The following ZHX3 variants were observed in gnomAD, a reference collection of about 807,000 sequenced individuals.
ZHX3 encodes the protein zinc fingers and homeoboxes 3, also known as zinc fingers and homeoboxes protein 3.
A neutral mutation model predicts 64.5 loss-of-function variants in ZHX3; 20 were observed. The ratio of observed to expected loss-of-function variants is 0.31; its 90% CI spans 0.22 to 0.45. ZHX3 has a LOEUF of 0.45. Ranked by LOEUF, ZHX3 falls within the 20% of genes least tolerant of loss-of-function variation. The pLI, the probability that ZHX3 is intolerant of heterozygous loss-of-function variation, is 1.00. For synonymous variants in ZHX3, 423 were observed against 461.6 expected (o/e 0.92, Z 1.07); for missense variants, 1,041 against 1,195.8 (o/e 0.87, Z 1.91).
chr20:41,282,137 A>G (rs188362543), intron 1 of ZHX3, among the ~76,000 whole-genome samples: 2 of 152,298 alleles, frequency 1.3e-5, no homozygotes, highest in East Asian at 1.9e-4. Context: ...GAAAATAAAT[A>G]TATCAGCAAG....
At chr20:41,210,015 C>G (rs2039036375) in intron 2 of ZHX3, among the ~76,000 whole-genome samples, 2 of 152,148 alleles carry the variant, frequency 1.3e-5, no homozygotes, top group Non-Finnish European at 2.9e-5. Flanking sequence ...CATCAAAGAA[C>G]CCCATCAACA....
chr20:41,235,341 T>A (rs2146411509), intron 2 of ZHX3, among the ~76,000 whole-genome samples: 1 of 152,118 alleles, frequency 6.6e-6, no homozygotes, highest in Admixed American at 6.5e-5. Flanking sequence ...TAGACCAATA[T>A]CCCTGATGAA....
intron 1 of ZHX3, among the ~76,000 whole-genome samples, chr20:41,276,381 A>G (rs1449457335): frequency 2.0e-5 from 3 of 152,002 alleles, no homozygotes; most frequent in African/African-American, 4.8e-5. Flanking sequence ...ACTTTGGGAA[A>G]TTTGCTGCAA....
Position 41,224,073 on chromosome 20 carries a change from A to G in ZHX3, c.-150-19007T>C, listed in dbSNP as rs2040115193. On this transcript the variant is annotated intron_variant, in intron 2 of 3. Coordinates refer to ENST00000683867, the MANE Select transcript of ZHX3 (RefSeq NM_001384317.1). This position sits in a 1 kb window ranked among gnomAD's most constrained non-coding sequence, Gnocchi z 5.2. ...TACAAAACAAAAAATAAATAAATAA[A>G]AGAACAAGCAAAACAAAAAAAATAC... is the stretch of plus-strand genomic sequence containing the variant. Among the ~76,000 whole-genome samples the G allele has an allele frequency of 1.3e-5, 2 of 152,196 alleles. No individual in the cohort carries two copies. The highest frequency in any genetic ancestry group is 6.5e-5 in the Admixed American group (1 of 15,282).
chr20:41,259,635 G>A (rs1326214220), intron 2 of ZHX3, among the ~76,000 whole-genome samples: 2 of 152,066 alleles, frequency 1.3e-5, no homozygotes, highest in African/African-American at 4.8e-5. Flanking sequence ...TTGGTAAGAT[G>A]AAGGGAGAGA....
Position 41,203,245 on chromosome 20 carries a change from T to C in ZHX3, c.1672A>G (p.Met558Val), listed in dbSNP as rs2038404527. ...HCRNLKGSRA[M>V]IPGDHSSIII... is the part of the protein sequence containing the mutation. ...ATGGAACTGTGATCTCCAGGTATCA[T>C]CGCTCTGGAGCCCTTCAAGTTCCGG... is the stretch of plus-strand genomic sequence containing the variant. The change falls in exon 3 of 4, where the codon ATG (methionine) becomes GTG (valine). Residue 558 changes from methionine to valine, a missense_variant. Met to Val is a conservative substitution (Grantham distance 21). Coordinates refer to ENST00000683867, the MANE Select transcript of ZHX3 (RefSeq NM_001384317.1). The surrounding 1 kb of genome is among the most constrained non-coding windows in gnomAD (Gnocchi z 7.1). 1 of 1,614,042 alleles carries C rather than the reference T, an allele frequency of 6.2e-7. No individual in the cohort carries two copies.
chr20:41,251,364 T>A (rs904826592), intron 2 of ZHX3, among the ~76,000 whole-genome samples: 1 of 152,120 alleles, frequency 6.6e-6, no homozygotes, highest in South Asian at 2.1e-4. Context: ...AGTGGTAAAA[T>A]ACTGATCATA....
intron 1 of ZHX3, among the ~76,000 whole-genome samples, chr20:41,270,616 C>CA (rs1482281795): frequency 6.6e-6 from 1 of 150,866 alleles, no homozygotes; most frequent in Admixed American, 6.6e-5. Flanking sequence ...GTGGAGCTTA[C>CA]AGTGAGCCAA....
chr20:41,272,363 T>A (rs181053724), intron 1 of ZHX3: 1 of 152,180 alleles, frequency 6.6e-6, no homozygotes, highest in East Asian at 1.9e-4. Flanking sequence ...TTTTAAAAAT[T>A]GAAAATTCAT....
intron 2 of ZHX3, among the ~76,000 whole-genome samples, chr20:41,250,773 A>G (rs980600004): frequency 1.3e-5 from 2 of 152,206 alleles, no homozygotes; most frequent in African/African-American, 4.8e-5. Flanking sequence ...TTAAAGACAA[A>G]GAATAACTCT....
intron 1 of ZHX3, among the ~76,000 whole-genome samples, chr20:41,303,238 C>G (rs779346523): frequency 6.6e-6 from 1 of 152,230 alleles, no homozygotes; most frequent in African/African-American, 2.4e-5. Flanking sequence ...TCTAATCTCT[C>G]AAAGCCACAT....
intron 3 of ZHX3, among the ~76,000 whole-genome samples, chr20:41,194,084 T>A (rs1338993676): frequency 6.6e-6 from 1 of 152,176 alleles, no homozygotes; most frequent in Non-Finnish European, 1.5e-5. Context: ...TTTTATTTAT[T>A]TTTTTTGCCT....
intron 2 of ZHX3, among the ~76,000 whole-genome samples, chr20:41,235,984 A>G (rs556261428): frequency 6.6e-6 from 1 of 152,322 alleles, no homozygotes; most frequent in South Asian, 2.1e-4. Context: ...ATAACAGACA[A>G]ACAGAGAGCC....
At chr20:41,253,818 G>A (rs1306207477) in intron 2 of ZHX3, among the ~76,000 whole-genome samples, 1 of 152,214 alleles carries the variant, frequency 6.6e-6, no homozygotes, top group African/African-American at 2.4e-5. Context: ...TACTATGACA[G>A]ATGACTAGAT....
At position 41,197,769 on chromosome 20, in the gene ZHX3, TTTGA is replaced by T. The variant is rs569478975; in HGVS notation, c.2860+4284_2860+4287del. On this transcript the variant is annotated intron_variant, in intron 3 of 3. Transcript: ENST00000683867. Reference sequence around the variant, plus strand: ...CCATTACTACCTCCTTTTGTATTTATTTGATTGTTCACAATGTACTGTTTTGATT... The same window carrying T: ...CCATTACTACCTCCTTTTGTATTTATTTGTTCACAATGTACTGTTTTGATT... Among the ~76,000 whole-genome samples the T allele has an allele frequency of 8.1e-3, 1,239 of 152,258 alleles. 6 individuals carry two copies. The highest frequency in any genetic ancestry group is 0.017 in the Middle Eastern group (5 of 294).
intron 3 of ZHX3, among the ~76,000 whole-genome samples, chr20:41,192,357 G>A (rs1157895794): frequency 1.3e-5 from 2 of 152,196 alleles, no homozygotes; most frequent in East Asian, 3.8e-4. Flanking sequence ...GGCTCCCTAT[G>A]ATGTGTGCAG....
intron 2 of ZHX3, among the ~76,000 whole-genome samples, chr20:41,211,355 T>C (rs1343366982): frequency 6.6e-6 from 1 of 152,166 alleles, no homozygotes; most frequent in African/African-American, 2.4e-5. Flanking sequence ...AAATTCTCAG[T>C]AAATAAACAC....
In ZHX3 at chr20:41,203,239, G is replaced by T. The variant is rs749788633; in HGVS notation, c.1678C>A (p.Pro560Thr). 5.6e-6 allele frequency: 9 copies of T among 1,614,024 alleles called. No individual in the cohort carries two copies. The highest frequency in any genetic ancestry group is 1.3e-5 in the African/African-American group (1 of 74,890). The change falls in exon 3 of 4, where the codon CCT becomes ACT. Residue 560 changes from proline (P) to threonine (T), a missense_variant. Physicochemically the swap from Pro to Thr is conservative, Grantham distance 38. Transcript: ENST00000683867. This position sits in a 1 kb window ranked among gnomAD's most constrained non-coding sequence, Gnocchi z 7.1. ...ATGATGATGGAACTGTGATCTCCAG[G>T]TATCATCGCTCTGGAGCCCTTCAAG... ...RNLKGSRAMI[P>T]GDHSSIIIDS...
chr20:41,287,084 G>A (rs940831450), intron 1 of ZHX3, among the ~76,000 whole-genome samples: 5 of 152,146 alleles, frequency 3.3e-5, no homozygotes, highest in Admixed American at 6.5e-5. Flanking sequence ...ACTAATACAC[G>A]TGAACTCTGT....
Sources: gnomAD v4.1 joint callset for allele counts (sites outside exome capture counted in the v4.1 genomes callset) on GRCh38, gnomAD v4.1.1 for gene constraint, Gnocchi (gnomAD v3.1) non-coding constraint, MANE v1.5 for transcripts, NCBI Gene and HGNC (gene_info 2026-07-23, HGNC 2026-07-21) for gene names.